PLD1: variants seen among roughly 807,000 people sequenced by gnomAD.
PLD1 encodes the protein choline phosphatase 1.
A neutral mutation model predicts 137.1 loss-of-function variants in PLD1; 112 were observed. The observed-to-expected ratio is 0.82, with a 90% CI of 0.70 to 0.96. The LOEUF (loss-of-function observed/expected upper bound fraction) is 0.96, where lower values mean the gene tolerates loss of function less well. Ranked by LOEUF, PLD1 falls within the 40% of genes least tolerant of loss-of-function variation. PLD1 has a pLI of 0.00. For missense variants in PLD1, 1,321 were observed against 1,342.0 expected, an observed-to-expected ratio of 0.98 and a Z score of 0.24; for synonymous variants, 431 against 454.7, an observed-to-expected ratio of 0.95 and a Z score of 0.66.
At chr3:171,661,944 A>T in intron 20 of PLD1, 116 bp downstream of exon 20, 1 of 568,602 alleles carries the variant, frequency 1.8e-6, no homozygotes, top group Non-Finnish European at 3.2e-6. Context: ...AGCACTTTTC[A>T]CGCCTCAAAA....
intron 1 of PLD1, among the ~76,000 whole-genome samples, chr3:171,808,108 A>T (rs999797806): frequency 5.9e-5 from 9 of 152,188 alleles, no homozygotes; most frequent in Admixed American, 5.9e-4. Flanking sequence ...AAAGTTAAAA[A>T]ATTATCAGGT....
chr3:171,605,444 G>A, intron 25 of PLD1, 28 bp from the exon 26 acceptor site: 1 of 1,278,172 alleles, frequency 7.8e-7, no homozygotes, highest in Non-Finnish European at 1.1e-6. Context: ...TCCACATTGA[G>A]TAACTGAGAT....
intron 1 of PLD1, among the ~76,000 whole-genome samples, chr3:171,779,350 G>A (rs7652125): frequency 0.072 from 10,980 of 152,142 alleles, 1,299 homozygotes; most frequent in African/African-American, 0.25. Flanking sequence ...GATGTGGGTC[G>A]TGATGCAGAG....
chr3:171,724,909 C>T (rs994186146), intron 7 of PLD1, 121 bp from the exon 8 acceptor site: 2 of 699,076 alleles, frequency 2.9e-6, no homozygotes, highest in Non-Finnish European at 5.2e-6. Context: ...CCTCCCTACT[C>T]TCTCCTCCTC....
At position 171,709,711 on chromosome 3, in the gene PLD1, T is replaced by C. The variant is rs1329385650; in HGVS notation, c.912-2A>G. ...CTGTTGCATTTTAAAATAAGTGTCC[T>C]TTAAAGAAAAAGCCAAATATTGAAA... On this transcript the variant is annotated splice_acceptor_variant, in intron 9 of 26. Coordinates refer to ENST00000351298, the MANE Select transcript of PLD1 (RefSeq NM_002662.5). LOFTEE classifies it high-confidence loss of function. The C allele has an allele frequency of 3.7e-6, 6 of 1,610,232 alleles. No individual in the cohort carries two copies. The highest frequency in any genetic ancestry group is 1.7e-5 in the Admixed American group (1 of 59,164).
At position 171,601,274 on chromosome 3, in the gene PLD1, G is replaced by T. The variant is rs1376127904; in HGVS notation, c.*1804C>A. The T allele has an allele frequency of 6.6e-6, 1 of 152,108 alleles. No individual in the cohort carries two copies. Among genetic ancestry groups the T allele is most frequent in the African/African-American group, 2.4e-5 (1 of 41,402 alleles). The allele number at this position is 152,108 out of a possible 1,614,324, so 9.4% of individuals were successfully genotyped here. The stretch of plus-strand genomic sequence containing the variant: ...AAGGGTCCTTTCAGGCTTTTTTCAT[G>T]AGAGTAGGGTGCTGAAAATCAAGAG... On this transcript the variant is annotated 3_prime_UTR_variant, in exon 27 of 27. Coordinates refer to ENST00000351298, the MANE Select transcript of PLD1 (RefSeq NM_002662.5).
chr3:171,623,630 C>A (rs1053063795), intron 23 of PLD1, among the ~76,000 whole-genome samples: 3 of 151,592 alleles, frequency 2.0e-5, no homozygotes, highest in African/African-American at 4.8e-5. Context: ...CCAGCCCTAT[C>A]AGATATTAAC....
chr3:171,679,609 A>T (rs1713748725), intron 16 of PLD1, among the ~76,000 whole-genome samples: 1 of 152,242 alleles, frequency 6.6e-6, no homozygotes, highest in Non-Finnish European at 1.5e-5. Flanking sequence ...ACATAAACAC[A>T]TATACACTCA....
chr3:171,758,061 C>A (rs1183753212), intron 1 of PLD1, among the ~76,000 whole-genome samples: 2 of 152,214 alleles, frequency 1.3e-5, no homozygotes, highest in Non-Finnish European at 2.9e-5. Flanking sequence ...TTTAATCTTT[C>A]CATCTCTACC....
chr3:171,768,228 T>C (rs1057214825), intron 1 of PLD1, among the ~76,000 whole-genome samples: 3 of 152,080 alleles, frequency 2.0e-5, no homozygotes, highest in Non-Finnish European at 4.4e-5. Context: ...AAGTTAAGTA[T>C]TTACTGACAT....
intron 1 of PLD1, among the ~76,000 whole-genome samples, chr3:171,764,263 T>A (rs1375875039): frequency 6.6e-6 from 1 of 152,236 alleles, no homozygotes; most frequent in Non-Finnish European, 1.5e-5. Context: ...CATGAGCCAC[T>A]GCGCCTGGTC....
intron 23 of PLD1, among the ~76,000 whole-genome samples, chr3:171,625,419 G>C (rs868530520): frequency 7.2e-5 from 11 of 152,332 alleles, no homozygotes; most frequent in African/African-American, 1.2e-4. Flanking sequence ...CCCACCTCTG[G>C]GGGCAGGGCA....
intron 23 of PLD1, among the ~76,000 whole-genome samples, chr3:171,630,677 T>C (rs1227817151): frequency 4.2e-5 from 6 of 142,258 alleles, no homozygotes; most frequent in African/African-American, 1.7e-4. Context: ...TGGAATACTA[T>C]GCAGCCATAA....
chr3:171,686,760 G>A lies in PLD1; in HGVS notation c.1792C>T (p.His598Tyr), dbSNP rs1189988586. 2.5e-6 allele frequency: 4 copies of A among 1,604,584 alleles called. No individual in the cohort carries two copies. In the African/African-American group the frequency reaches 5.4e-5, roughly 21 times the overall value. ...NHYRSHHNLI[H>Y]GLKPHFKLFH... is the part of the protein sequence containing the mutation. ...AGTTTGAAGTGGGGTTTTAAACCAT[G>A]GATTAAATTGTGATGACTTCTATAG... is the stretch of plus-strand genomic sequence containing the variant. The change falls in exon 16 of 27, where the codon CAT becomes TAT. Residue 598 changes from histidine to tyrosine, a missense_variant. His to Tyr is a moderately conservative substitution (Grantham distance 83). Coordinates refer to ENST00000351298, the MANE Select transcript of PLD1 (RefSeq NM_002662.5).
At chr3:171,797,900 A>AT (rs1186169955) in intron 1 of PLD1, among the ~76,000 whole-genome samples, 2 of 151,982 alleles carry the variant, frequency 1.3e-5, no homozygotes, top group Non-Finnish European at 2.9e-5. Context: ...CCTAAGTGCC[A>AT]TTTTTCCTTG....
chr3:171,603,182 G>C lies in PLD1; in HGVS notation c.3121C>G (p.Arg1041Gly), dbSNP rs1275391238. 1 of 1,613,914 alleles carries C rather than the reference G, an allele frequency of 6.2e-7. No homozygotes were observed. Among genetic ancestry groups the C allele is most frequent in the Non-Finnish European group, 8.5e-7 (1 of 1,179,930 alleles). Residue 1041 changes from arginine to glycine, a missense_variant, in exon 27 of 27, where the codon CGT becomes GGT. Arg to Gly is a moderately radical substitution (Grantham distance 125). Transcript: ENST00000351298. ...AAGGGGAATTGCACCAAAAATCCAC[G>C]GATCTTCTTCAGTTCCTCCTCAGCT... ...IRAEEELKKIRGFLVQFPFYF... is the reference protein window; with the variant it reads ...IRAEEELKKIGGFLVQFPFYF...
At chr3:171,771,673 T>G (rs1405137232) in intron 1 of PLD1, among the ~76,000 whole-genome samples, 2 of 152,226 alleles carry the variant, frequency 1.3e-5, no homozygotes, top group East Asian at 3.8e-4. Flanking sequence ...TGAAATGACT[T>G]TTATATTGTT....
chr3:171,736,383 A>G (rs1188975160), intron 3 of PLD1, among the ~76,000 whole-genome samples: 1 of 152,198 alleles, frequency 6.6e-6, no homozygotes, highest in African/African-American at 2.4e-5. Context: ...GAATTAAACC[A>G]TGCAGTCTGC....
chr3:171,751,546 A>T (rs1015250806), intron 1 of PLD1, among the ~76,000 whole-genome samples: 2 of 152,254 alleles, frequency 1.3e-5, no homozygotes, highest in Admixed American at 1.3e-4. Flanking sequence ...AAAACTTTAA[A>T]CATGCTCAAC....
Sources: gnomAD v4.1 joint callset for allele counts (sites outside exome capture counted in the v4.1 genomes callset) on GRCh38, gnomAD v4.1.1 for gene constraint, MANE v1.5 for transcripts, NCBI Gene and HGNC (gene_info 2026-07-23, HGNC 2026-07-21) for gene names.